The following DHRSX variants were observed in gnomAD, a reference collection of about 807,000 sequenced individuals.
DHRSX encodes the protein dehydrogenase/reductase X-linked, also known as polyprenol dehydrogenase.
A neutral mutation model predicts 34.0 loss-of-function variants in DHRSX; 31 were observed. The ratio of observed to expected loss-of-function variants is 0.91; its 90% CI spans 0.69 to 1.23. DHRSX has a LOEUF of 1.23. DHRSX is among the 50% of genes most tolerant of loss of function. The pLI, the probability that DHRSX is intolerant of heterozygous loss-of-function variation, is 0.00. For synonymous variants in DHRSX, 201 were observed against 183.8 expected (o/e 1.09, Z -0.76); for missense variants, 414 against 428.1 (o/e 0.97, Z 0.29).
At chrX:2,473,822 A>G (rs1402662676) in intron 1 of DHRSX, among the ~76,000 whole-genome samples, 1 of 140,218 alleles carries the variant, frequency 7.1e-6, no homozygotes, top group Non-Finnish European at 1.5e-5. Flanking sequence ...CCAAAGATTC[A>G]GGTTCTGAAT....
intron 1 of DHRSX, among the ~76,000 whole-genome samples, chrX:2,426,819 CCCTCCCTCTTTCCTTTCTTT>C (rs1439745328): frequency 2.4e-4 from 37 of 151,424 alleles, no homozygotes; most frequent in Middle Eastern, 3.4e-3. Flanking sequence ...CTCTTTCCTT[CCCTCCCTCTTTCCTTTCTTT>C]CCTCCCTCTT....
Position 2,471,070 on chromosome X carries a change from C to T in DHRSX, c.109+29747G>A, listed in dbSNP as rs149556377. Among the ~76,000 whole-genome samples the T allele has an allele frequency of 3.1e-3, 468 of 152,230 alleles. 9 individuals carry two copies. Among genetic ancestry groups the T allele is most frequent in the African/African-American group, 9.8e-3 (407 of 41,546 alleles). On this transcript the variant is annotated intron_variant, in intron 1 of 6. Transcript: ENST00000334651. The stretch of plus-strand genomic sequence containing the variant: ...AAAACATCACGTTGTACCTCATATA[C>T]GTGTATACAATTACTTTTTTTAACG...
At chrX:2,310,044 G>A (rs2042144364) in intron 3 of DHRSX, among the ~76,000 whole-genome samples, 1 of 152,120 alleles carries the variant, frequency 6.6e-6, no homozygotes. Context: ...CCCTGAATCC[G>A]TCTGCACCTG....
chrX:2,267,110 T>C (rs2041485724), intron 4 of DHRSX, 163 bp from the exon 5 acceptor site: 1 of 183,126 alleles, frequency 5.5e-6, no homozygotes, highest in African/African-American at 2.4e-5. Flanking sequence ...GCTTTAGGTG[T>C]GATGGAGAAG....
intron 3 of DHRSX, among the ~76,000 whole-genome samples, chrX:2,348,538 C>T (rs1405022401): frequency 1.3e-5 from 2 of 151,866 alleles, no homozygotes; most frequent in Non-Finnish European, 2.9e-5. Context: ...GAAAGACCTC[C>T]CAGCAATAAG....
intron 6 of DHRSX, among the ~76,000 whole-genome samples, chrX:2,232,820 T>C (rs1400327214): frequency 6.6e-6 from 1 of 151,980 alleles, no homozygotes; most frequent in African/African-American, 2.4e-5. Context: ...GATTCGCCCA[T>C]GTCAGCCTCC....
At chrX:2,473,287 G>A (rs2044622197) in intron 1 of DHRSX, among the ~76,000 whole-genome samples, 1 of 152,140 alleles carries the variant, frequency 6.6e-6, no homozygotes, top group South Asian at 2.1e-4. Flanking sequence ...TTTGTCACAG[G>A]TGGAAACAGT....
rs1004672068 is a variant in DHRSX, at chrX:2,376,717, C to T, written c.286+32028G>A. Among the ~76,000 whole-genome samples the T allele has an allele frequency of 3.3e-5, 5 of 149,586 alleles. 2 individuals carry two copies. The highest frequency in any genetic ancestry group is 1.3e-4 in the Admixed American group (2 of 14,850). On this transcript the variant is annotated intron_variant, in intron 3 of 6. Transcript: ENST00000334651. Reference sequence around the variant, plus strand: ...TTATAAGAAAAGGAACATTGGAGGCCGGGTATAGTGGCTCACGCCTGTCAT... The same window carrying T: ...TTATAAGAAAAGGAACATTGGAGGCTGGGTATAGTGGCTCACGCCTGTCAT...
At chrX:2,366,846 G>A (rs1453636049) in intron 3 of DHRSX, among the ~76,000 whole-genome samples, 5 of 151,404 alleles carry the variant, frequency 3.3e-5, no homozygotes, top group African/African-American at 9.7e-5. Context: ...TGATGCTCCC[G>A]CCTTGGCCTC....
At chrX:2,465,263 G>T (rs1340407213) in intron 1 of DHRSX, among the ~76,000 whole-genome samples, 1 of 152,168 alleles carries the variant, frequency 6.6e-6, no homozygotes, top group East Asian at 1.9e-4. Flanking sequence ...GCGCCTCCAT[G>T]ACTAGCCACG....
At chrX:2,298,056 T>C (rs2041955844) in intron 3 of DHRSX, among the ~76,000 whole-genome samples, 1 of 151,842 alleles carries the variant, frequency 6.6e-6, no homozygotes, top group Admixed American at 6.6e-5. Flanking sequence ...ACGCCTAGCC[T>C]GGGGTTTTTA....
intron 4 of DHRSX, among the ~76,000 whole-genome samples, chrX:2,269,705 T>C (rs2041523830): frequency 1.3e-5 from 2 of 152,004 alleles, no homozygotes; most frequent in Admixed American, 6.6e-5. Flanking sequence ...CGTGGCTAAA[T>C]TTTTCTGTAT....
chrX:2,243,207 G>C lies in DHRSX; in HGVS notation c.620C>G (p.Ala207Gly), dbSNP rs2016183185. The C allele has an allele frequency of 6.2e-7, 1 of 1,613,708 alleles. No homozygotes were observed. Among genetic ancestry groups the C allele is most frequent in the African/African-American group, 1.3e-5 (1 of 74,880 alleles). ...AAGGGCCAGCTTGCTCTGGGCGTAGGCTGCGTGGGGTGAGTAGCAGGCACT... is the reference window on the plus strand; with the variant it reads ...AAGGGCCAGCTTGCTCTGGGCGTAGCCTGCGTGGGGTGAGTAGCAGGCACT... Reference protein sequence around the residue: ...QSSACYSPHAAYAQSKLALVL... With the variant: ...QSSACYSPHAGYAQSKLALVL... Residue 207 changes from alanine (A) to glycine (G), a missense_variant, in exon 6 of 7, where the codon GCC becomes GGC. Coordinates refer to ENST00000334651, the MANE Select transcript of DHRSX (RefSeq NM_145177.3).
chrX:2,325,046 T>C lies in DHRSX; in HGVS notation c.287-33443A>G, dbSNP rs771737668. On this transcript the variant is annotated intron_variant, in intron 3 of 6. Transcript: ENST00000334651. Reference sequence around the variant, plus strand: ...GCCTCAGCCTCCAAAAGTGCTGGGATGACAGGTGTGAGCCACTGCGCCCGG... The same window carrying C: ...GCCTCAGCCTCCAAAAGTGCTGGGACGACAGGTGTGAGCCACTGCGCCCGG... 3.3e-5 allele frequency among the ~76,000 whole-genome samples: 5 copies of C among 151,890 alleles called. No homozygotes were observed. In the South Asian group the frequency reaches 1.0e-3, roughly 32 times the overall value.
At position 2,295,187 on chromosome X, in the gene DHRSX, A is replaced by G. The variant is rs1362746258; in HGVS notation, c.287-3584T>C. On this transcript the variant is annotated intron_variant, in intron 3 of 6. Coordinates refer to ENST00000334651, the MANE Select transcript of DHRSX (RefSeq NM_145177.3). ...TTGAAACCAACCCAAATGCCCATCAATGATAGACTGGATAAAGAAAATGTG... is the reference window on the plus strand; with the variant it reads ...TTGAAACCAACCCAAATGCCCATCAGTGATAGACTGGATAAAGAAAATGTG... Among the ~76,000 whole-genome samples the G allele has an allele frequency of 2.0e-5, 3 of 152,224 alleles. No homozygotes were observed. In the East Asian group the frequency reaches 5.8e-4, roughly 29 times the overall value.
intron 3 of DHRSX, among the ~76,000 whole-genome samples, chrX:2,401,460 T>C (rs2043484680): frequency 6.6e-6 from 1 of 152,150 alleles, no homozygotes; most frequent in Admixed American, 6.6e-5. Flanking sequence ...AGTTACACAA[T>C]CATTATAGAA....
At chrX:2,489,680 ACC>A (rs776141992) in intron 1 of DHRSX, 1 of 1,612,364 alleles carries the variant, frequency 6.2e-7, no homozygotes, top group Non-Finnish European at 8.5e-7. Context: ...GCGGTTGCTC[ACC>A]AGCATGCAGT....
At chrX:2,248,627 G>A (rs769525263) in intron 5 of DHRSX, among the ~76,000 whole-genome samples, 86,384 of 114,290 alleles carry the variant, frequency 0.76, 30,000 homozygotes, top group Non-Finnish European at 0.79. Context: ...AAAAAAAAAA[G>A]AAAAAGAAAA....
intron 1 of DHRSX, among the ~76,000 whole-genome samples, chrX:2,496,828 A>C (rs2045296956): frequency 6.7e-6 from 1 of 149,596 alleles, no homozygotes; most frequent in Admixed American, 6.7e-5. Flanking sequence ...AATTATATAA[A>C]TATAACTTAT....
Sources: gnomAD v4.1 joint callset for allele counts (sites outside exome capture counted in the v4.1 genomes callset) on GRCh38, gnomAD v4.1.1 for gene constraint, MANE v1.5 for transcripts, NCBI Gene and HGNC (gene_info 2026-07-23, HGNC 2026-07-21) for gene names.